Variants in DHX32 observed in about 807,000 individuals in gnomAD.
DHX32 encodes putative pre-mRNA-splicing factor ATP-dependent RNA helicase DHX32.
In DHX32, 51 loss-of-function variants were observed where a neutral mutation model predicts 70.0. The observed-to-expected ratio is 0.73, with a 90% CI of 0.58 to 0.92. The LOEUF is 0.92. Among genes scored for constraint, DHX32 ranks in the 40% least tolerant of loss-of-function variants. The probability of loss-of-function intolerance (pLI) is 0.00; values close to 1 mark genes in which losing one functional copy is unlikely to be tolerated. For synonymous variants in DHX32, 310 were observed against 315.3 expected (o/e 0.98, Z 0.18); for missense variants, 762 against 891.8 (o/e 0.85, Z 1.85).
chr10:125,889,509 C>T (rs1040695304), intron 1 of DHX32, among the ~76,000 whole-genome samples: 7 of 152,138 alleles, frequency 4.6e-5, no homozygotes, highest in African/African-American at 1.7e-4. Flanking sequence ...AGGTAAAGAG[C>T]TTGCACCAGA....
At chr10:125,871,181 T>C (rs1944253487) in intron 1 of DHX32, among the ~76,000 whole-genome samples, 1 of 152,252 alleles carries the variant, frequency 6.6e-6, no homozygotes, top group African/African-American at 2.4e-5. Flanking sequence ...AGTGTGTTGA[T>C]AATAGTATAA....
intron 1 of DHX32, among the ~76,000 whole-genome samples, chr10:125,892,060 C>G (rs999450918): frequency 6.6e-6 from 1 of 152,154 alleles, no homozygotes; most frequent in African/African-American, 2.4e-5. Context: ...ACGTATATGA[C>G]AGGCATCTCA....
intron 7 of DHX32, chr10:125,841,407 A>G (rs749040781): frequency 6.2e-7 from 1 of 1,603,452 alleles, no homozygotes; most frequent in Non-Finnish European, 8.5e-7. Flanking sequence ...GAAATAAAAA[A>G]CAGGCACACA....
At chr10:125,847,472 G>A (rs1944036757) in intron 6 of DHX32, among the ~76,000 whole-genome samples, 1 of 152,096 alleles carries the variant, frequency 6.6e-6, no homozygotes, top group African/African-American at 2.4e-5. Context: ...ACGTAGCATA[G>A]GGAAGAACAA....
intron 1 of DHX32, among the ~76,000 whole-genome samples, chr10:125,886,323 A>C (rs373188202): frequency 6.6e-6 from 1 of 152,114 alleles, no homozygotes; most frequent in African/African-American, 2.4e-5. Context: ...AACCTCTTTA[A>C]CTGCTTCATT....
intron 7 of DHX32, 86 bp downstream of exon 7, chr10:125,841,657 C>T: frequency 6.5e-7 from 1 of 1,530,792 alleles, no homozygotes; most frequent in Admixed American, 2.5e-5. Context: ...CTGTGCTCCT[C>T]AAAATATAAT....
chr10:125,880,867 A>G lies in DHX32; in HGVS notation c.-43T>C. Reference sequence around the variant, plus strand: ...TCACGCAGCTGACATTCCACAAGCAAGTTTCTCCTATCAGTAACCCATTGC... The same window carrying G: ...TCACGCAGCTGACATTCCACAAGCAGGTTTCTCCTATCAGTAACCCATTGC... On this transcript the variant is annotated 5_prime_UTR_variant, in exon 1 of 11. Transcript: ENST00000284690. The G allele has an allele frequency of 1.3e-6, 2 of 1,581,886 alleles. No individual in the cohort carries two copies. The highest frequency in any genetic ancestry group is 1.7e-6 in the Non-Finnish European group (2 of 1,166,578).
At chr10:125,842,247 C>T in intron 6 of DHX32, 1 of 306,180 alleles carries the variant, frequency 3.3e-6, no homozygotes. Context: ...TCCAGGGAGA[C>T]TAAGGTGGCC....
chr10:125,837,312 ATAG>A (rs999062048), intron 10 of DHX32, among the ~76,000 whole-genome samples: 18 of 152,350 alleles, frequency 1.2e-4, no homozygotes, highest in Middle Eastern at 3.4e-3. Context: ...ACTTGCTGGA[ATAG>A]TAGTGGAACC....
At chr10:125,860,895 G>C (rs1944183570) in intron 2 of DHX32, among the ~76,000 whole-genome samples, 1 of 151,222 alleles carries the variant, frequency 6.6e-6, no homozygotes, top group South Asian at 2.1e-4. Context: ...TGGGACTACA[G>C]GCGCCCGCCA....
At chr10:125,863,803 A>C (rs1219393847) in intron 2 of DHX32, among the ~76,000 whole-genome samples, 2 of 152,204 alleles carry the variant, frequency 1.3e-5, no homozygotes, top group Non-Finnish European at 2.9e-5. Context: ...ATCTGAGCTT[A>C]TTCAAAATTA....
chr10:125,878,135 G>T (rs1944295346), intron 1 of DHX32, among the ~76,000 whole-genome samples: 1 of 152,184 alleles, frequency 6.6e-6, no homozygotes, highest in Admixed American at 6.5e-5. Flanking sequence ...ACTATCTAAT[G>T]TTGGGGCTCA....
At chr10:125,895,241 AG>A (rs1204070842) in intron 1 of DHX32, among the ~76,000 whole-genome samples, 2 of 152,144 alleles carry the variant, frequency 1.3e-5, no homozygotes, top group Non-Finnish European at 2.9e-5. Flanking sequence ...AATTCTCCTT[AG>A]TGTCCTTGTC....
intron 6 of DHX32, 80 bp downstream of exon 6, chr10:125,852,213 A>C (rs1944099859): frequency 2.0e-6 from 3 of 1,536,636 alleles, no homozygotes; most frequent in Non-Finnish European, 1.8e-6. Flanking sequence ...GCTGCGCATC[A>C]TGTGAACTCA....
In DHX32 at chr10:125,860,864, T is replaced by G. The variant is rs1944183180; in HGVS notation, c.477-889A>C. 2.0e-5 allele frequency among the ~76,000 whole-genome samples: 3 copies of G among 148,172 alleles called. No individual in the cohort carries two copies. The Admixed American group carries it at 2.0e-4, about 10-fold the overall frequency. ...TCCGCCTCCCGGGTTCACGCCATTC[T>G]GCCTCAGCCTCCAGAGTAGCTGGGA... On this transcript the variant is annotated intron_variant, in intron 2 of 10. Coordinates refer to ENST00000284690, the MANE Select transcript of DHX32 (RefSeq NM_018180.3).
At position 125,859,848 on chromosome 10, in the gene DHX32, T is replaced by C. The variant is rs753323340; in HGVS notation, c.604A>G (p.Lys202Glu). ...IATDVLLGLL[K>E]DVLLARPELK... Reference sequence around the variant, plus strand: ...TCTGGTCTTGCTAGTAAAACATCTTTAAGAAGTCCAAGTAACACATCAGTT... The same window carrying C: ...TCTGGTCTTGCTAGTAAAACATCTTCAAGAAGTCCAAGTAACACATCAGTT... The change falls in exon 3 of 11, where the codon AAA (lysine) becomes GAA (glutamate). Residue 202 changes from lysine (K) to glutamate (E), a missense_variant. Physicochemically the swap from Lys to Glu is moderately conservative, Grantham distance 56. Coordinates refer to ENST00000284690, the MANE Select transcript of DHX32 (RefSeq NM_018180.3). The C allele has an allele frequency of 6.8e-6, 11 of 1,614,094 alleles. No homozygotes were observed. The South Asian group carries it at 8.8e-5, about 13-fold the overall frequency.
At position 125,871,050 on chromosome 10, in the gene DHX32, G is replaced by T. The variant is rs187534670; in HGVS notation, c.283-3867C>A. Among the ~76,000 whole-genome samples the T allele has an allele frequency of 5.8e-3, 876 of 152,224 alleles. 1 individual carries two copies. Among genetic ancestry groups the T allele is most frequent in the Non-Finnish European group, 9.8e-3 (664 of 68,028 alleles). On this transcript the variant is annotated intron_variant, in intron 1 of 10. Transcript: ENST00000284690. ...CAGCTGCTTTCGAACTCTAAAATTC[G>T]ACAAGATTCCAATGATCATGAGCCA...
chr10:125,881,512 T>C (rs1944317392), upstream of DHX32, among the ~76,000 whole-genome samples: 1 of 152,234 alleles, frequency 6.6e-6, no homozygotes, highest in African/African-American at 2.4e-5. Flanking sequence ...AAATCTATTA[T>C]TAAGAAATCC....
At chr10:125,848,828 A>G (rs1944055709) in intron 6 of DHX32, among the ~76,000 whole-genome samples, 1 of 152,222 alleles carries the variant, frequency 6.6e-6, no homozygotes, top group African/African-American at 2.4e-5. Flanking sequence ...AGGGGCATGC[A>G]TATGTTAACT....
Sources: allele counts gnomAD v4.1 joint callset (sites outside exome capture counted in the v4.1 genomes callset), GRCh38; gene constraint gnomAD v4.1.1; transcripts MANE v1.5; gene names NCBI Gene and HGNC (gene_info 2026-07-23, HGNC 2026-07-21).